The following ZC2HC1C variants were observed in gnomAD, a reference collection of about 807,000 sequenced individuals.
ZC2HC1C encodes zinc finger C2HC-type containing 1C.
In ZC2HC1C, 25 loss-of-function variants were observed where a neutral mutation model predicts 39.2. That is an observed-to-expected ratio of 0.64 (90% CI 0.47 to 0.89). ZC2HC1C has a LOEUF of 0.89. Ranked by LOEUF, ZC2HC1C falls within the 40% of genes least tolerant of loss-of-function variation. The pLI is 0.00. For missense variants in ZC2HC1C, 519 were observed against 548.6 expected, an observed-to-expected ratio of 0.95 and a Z score of 0.54; for synonymous variants, 209 against 214.4, an observed-to-expected ratio of 0.97 and a Z score of 0.22.
Position 75,069,643 on chromosome 14 carries a change from A to C in ZC2HC1C, c.-126A>C. 4.0e-5 allele frequency: 8 copies of C among 200,648 alleles called. No homozygotes were observed. Among genetic ancestry groups the C allele is most frequent in the East Asian group, 1.2e-4 (1 of 8,288 alleles). 12.4% of individuals were successfully genotyped at this position (200,648 alleles called of 1,614,324 possible). Reference sequence around the variant, plus strand: ...GGTTTCCAGGCACCGGGAATAACAGAAGCCAGCTGAGAGCGCCTGCGCGGC... The same window carrying C: ...GGTTTCCAGGCACCGGGAATAACAGCAGCCAGCTGAGAGCGCCTGCGCGGC... On this transcript the variant is annotated 5_prime_UTR_variant, in exon 1 of 3. Transcript: ENST00000524913.
At chr14:75,076,111 C>T (rs559599889) in intron 2 of ZC2HC1C, among the ~76,000 whole-genome samples, 6 of 152,162 alleles carry the variant, frequency 3.9e-5, no homozygotes, top group African/African-American at 7.2e-5. Context: ...ATTTTCTCCT[C>T]GTGCTTTCTC....
chr14:75,078,405 A>C lies in ZC2HC1C; in HGVS notation c.*841A>C, dbSNP rs1200640598. On this transcript the variant is annotated 3_prime_UTR_variant, in exon 3 of 3. Transcript: ENST00000524913. Reference sequence around the variant, plus strand: ...CTTCCCTATGGTGTACTGTGTAATAAAGGAAAGATCTTTATGTACTTTACA... The same window carrying C: ...CTTCCCTATGGTGTACTGTGTAATACAGGAAAGATCTTTATGTACTTTACA... 6.6e-6 allele frequency: 1 copy of C among 152,172 alleles called. No individual in the cohort carries two copies. 9.4% of individuals were successfully genotyped at this position (152,172 alleles called of 1,614,324 possible).
rs1481408351 is a variant in ZC2HC1C, at chr14:75,079,276, G to A, written c.*1712G>A. Reference sequence around the variant, plus strand: ...CTAACAGATCAGACCAATTTGAAATGTGAGTTAAGGCTTTAGCGGTGAAGC... The same window carrying A: ...CTAACAGATCAGACCAATTTGAAATATGAGTTAAGGCTTTAGCGGTGAAGC... On this transcript the variant is annotated 3_prime_UTR_variant, in exon 3 of 3. Transcript: ENST00000524913. The A allele has an allele frequency of 6.7e-6, 1 of 150,018 alleles. No homozygotes were observed. Among genetic ancestry groups the A allele is most frequent in the African/African-American group, 2.5e-5 (1 of 40,798 alleles). 9.3% of individuals were successfully genotyped at this position (150,018 alleles called of 1,614,324 possible). A position where few individuals can be genotyped will look rare whatever the true frequency, so the allele number is the denominator to read the frequency against.
rs768456192 is a variant in ZC2HC1C, at chr14:75,071,772, C to T, written c.1199C>T (p.Ser400Leu). 1.9e-6 allele frequency: 3 copies of T among 1,614,136 alleles called. No individual in the cohort carries two copies. The South Asian group carries it at 3.3e-5, about 18-fold the overall frequency. ...ECSHCGRKFL[S>L]FRLERHSNIC... is the part of the protein sequence containing the mutation. ...AGCCACTGTGGGCGCAAATTCCTCT[C>T]GTTCAGGCTGGAGAGACACTCCAAC... Residue 400 changes from serine (S) to leucine (L), a missense_variant, in exon 2 of 3, where the codon TCG becomes TTG. Physicochemically the swap from Ser to Leu is moderately radical, Grantham distance 145. Coordinates refer to ENST00000524913, the MANE Select transcript of ZC2HC1C (RefSeq NM_024643.4).
intron 2 of ZC2HC1C, among the ~76,000 whole-genome samples, chr14:75,074,796 T>G (rs921793596): frequency 6.6e-6 from 1 of 152,178 alleles, no homozygotes; most frequent in African/African-American, 2.4e-5. Flanking sequence ...GGTCCTGAAC[T>G]CCTAACCTCA....
At chr14:75,074,106 C>T (rs1315563450) in intron 2 of ZC2HC1C, among the ~76,000 whole-genome samples, 5 of 152,150 alleles carry the variant, frequency 3.3e-5, no homozygotes, top group African/African-American at 1.2e-4. Flanking sequence ...GACGGGGTTT[C>T]ACCATCTTGC....
At position 75,075,992 on chromosome 14, in the gene ZC2HC1C, C is replaced by T. The variant is rs139170037; in HGVS notation, c.1339-1540C>T. ...GAATCGCTTGAATCTAGGAGGCTGACGTTGCAGTCAACCAAGATTGCGCCA... is the reference window on the plus strand; with the variant it reads ...GAATCGCTTGAATCTAGGAGGCTGATGTTGCAGTCAACCAAGATTGCGCCA... On this transcript the variant is annotated intron_variant, in intron 2 of 2. Coordinates refer to ENST00000524913, the MANE Select transcript of ZC2HC1C (RefSeq NM_024643.4). 1.7e-3 allele frequency among the ~76,000 whole-genome samples: 263 copies of T among 152,158 alleles called. 1 individual carries two copies. The highest frequency in any genetic ancestry group is 0.014 in the South Asian group (66 of 4,820).
In ZC2HC1C at chr14:75,078,853, T is replaced by G. The variant is rs1893786221; in HGVS notation, c.*1289T>G. The stretch of plus-strand genomic sequence containing the variant: ...GGGATCAAATCTTTTTAATTTTCTC[T>G]GTGTAGAATATTGCCTAGCACAAGT... On this transcript the variant is annotated 3_prime_UTR_variant, in exon 3 of 3. Transcript: ENST00000524913. 1 of 152,252 alleles carries G rather than the reference T, an allele frequency of 6.6e-6. No homozygotes were observed. The highest frequency in any genetic ancestry group is 1.5e-5 in the Non-Finnish European group (1 of 68,046). 9.4% of individuals were successfully genotyped at this position (152,252 alleles called of 1,614,324 possible). A position where few individuals can be genotyped will look rare whatever the true frequency, so the allele number is the denominator to read the frequency against.
intron 2 of ZC2HC1C, chr14:75,073,610 C>T (rs2139680378): frequency 7.8e-7 from 1 of 1,289,350 alleles, no homozygotes; most frequent in South Asian, 1.2e-5. Flanking sequence ...ACCTTCCTGT[C>T]ATTCCTCTAG....
Position 75,070,548 on chromosome 14 carries a change from C to G in ZC2HC1C, c.-19-7C>G. The G allele has an allele frequency of 6.4e-7, 1 of 1,574,084 alleles. No individual in the cohort carries two copies. Among genetic ancestry groups the G allele is most frequent in the East Asian group, 2.2e-5 (1 of 44,612 alleles). Reference sequence around the variant, plus strand: ...CTTCCCGTGTATCTGGTTTAAATCTCCCGTAGGCGTCAGTCCAGGCCCTGA... The same window carrying G: ...CTTCCCGTGTATCTGGTTTAAATCTGCCGTAGGCGTCAGTCCAGGCCCTGA... On this transcript the variant is annotated splice_polypyrimidine_tract_variant and splice_region_variant and intron_variant, in intron 1 of 2. Transcript: ENST00000524913.
In ZC2HC1C at chr14:75,070,753, C is replaced by G. The variant is rs1566625493; in HGVS notation, c.180C>G (p.Asn60Lys). The stretch of plus-strand genomic sequence containing the variant: ...ATTTCCAGAAGCAGCTTTTGAGCAA[C>G]AAAGAGTTGATTCTGGATAAAGTCT... The part of the protein sequence containing the change: ...RNNFQKQLLS[N>K]KELILDKVYT... The change falls in exon 2 of 3, where the codon AAC becomes AAG. Residue 60 changes from asparagine to lysine, a missense_variant. Coordinates refer to ENST00000524913, the MANE Select transcript of ZC2HC1C (RefSeq NM_024643.4). 6.2e-7 allele frequency: 1 copy of G among 1,614,214 alleles called. No homozygotes were observed. Among genetic ancestry groups the G allele is most frequent in the East Asian group, 2.2e-5 (1 of 44,890 alleles).
Position 75,077,827 on chromosome 14 carries a change from A to G in ZC2HC1C, c.*263A>G. 2.2e-6 allele frequency: 1 copy of G among 460,918 alleles called. No homozygotes were observed. The highest frequency in any genetic ancestry group is 3.0e-5 in the South Asian group (1 of 33,386). 28.6% of individuals were successfully genotyped at this position (460,918 alleles called of 1,614,324 possible). A position where few individuals can be genotyped will look rare whatever the true frequency, so the allele number is the denominator to read the frequency against. ...AACAATGGAAACTTTTGGATAGTTC[A>G]GAAAGCTCTGCTTCTCTTCAGCAGT... On this transcript the variant is annotated 3_prime_UTR_variant, in exon 3 of 3. Coordinates refer to ENST00000524913, the MANE Select transcript of ZC2HC1C (RefSeq NM_024643.4).
chr14:75,073,733 T>C (rs930099436), intron 2 of ZC2HC1C: 2 of 725,388 alleles, frequency 2.8e-6, no homozygotes, highest in Non-Finnish European at 4.1e-6. Context: ...ACAGGGAACA[T>C]ATTTTGTGCT....
rs746015227 is a variant in ZC2HC1C, at chr14:75,071,377, C to A, written c.804C>A (p.Leu268=). The A allele has an allele frequency of 2.0e-5, 32 of 1,614,090 alleles. No homozygotes were observed. The highest frequency in any genetic ancestry group is 5.3e-5 in the African/African-American group (4 of 74,994). Residue 268 remains leucine, a synonymous_variant, in exon 2 of 3, where the codon CTC becomes CTA. Transcript: ENST00000524913. Reference sequence around the variant, plus strand: ...ACGGAGAGCTACAGAAAATTATACTCCCCAGGAGCAGAGTTAAAGGTAATA... The same window carrying A: ...ACGGAGAGCTACAGAAAATTATACTACCCAGGAGCAGAGTTAAAGGTAATA... ...NENGELQKII[L]PRSRVKGNKS...
chr14:75,075,741 G>C (rs1893637459), intron 2 of ZC2HC1C, among the ~76,000 whole-genome samples: 1 of 152,168 alleles, frequency 6.6e-6, no homozygotes, highest in South Asian at 2.1e-4. Flanking sequence ...TTCTAGGAAT[G>C]TTAATTGTAT....
Position 75,079,578 on chromosome 14 carries a change from C to T in ZC2HC1C, c.*2014C>T, listed in dbSNP as rs943462935. ...TGTGGCCAAGGTCACAAAATGGCAACATGTGGATTGCTTTGCTCCACAGAT... is the reference window on the plus strand; with the variant it reads ...TGTGGCCAAGGTCACAAAATGGCAATATGTGGATTGCTTTGCTCCACAGAT... On this transcript the variant is annotated 3_prime_UTR_variant, in exon 3 of 3. Coordinates refer to ENST00000524913, the MANE Select transcript of ZC2HC1C (RefSeq NM_024643.4). 6.6e-6 allele frequency: 1 copy of T among 152,234 alleles called. No individual in the cohort carries two copies. Among genetic ancestry groups the T allele is most frequent in the African/African-American group, 2.4e-5 (1 of 41,464 alleles). The allele number at this position is 152,234 out of a possible 1,614,324, so 9.4% of individuals were successfully genotyped here.
intron 2 of ZC2HC1C, among the ~76,000 whole-genome samples, chr14:75,075,966 A>G (rs1332664358): frequency 6.6e-6 from 1 of 152,170 alleles, no homozygotes; most frequent in East Asian, 1.9e-4. Flanking sequence ...CTGAGATAGG[A>G]GAATCGCTTG....
At chr14:75,070,335 A>G (rs569449323) in intron 1 of ZC2HC1C, among the ~76,000 whole-genome samples, 1 of 152,294 alleles carries the variant, frequency 6.6e-6, no homozygotes, top group East Asian at 1.9e-4. Flanking sequence ...GAACACCTGT[A>G]GCACCTTCGT....
chr14:75,074,640 T>G (rs1893585092), intron 2 of ZC2HC1C, among the ~76,000 whole-genome samples: 1 of 152,178 alleles, frequency 6.6e-6, no homozygotes, highest in African/African-American at 2.4e-5. Flanking sequence ...GGCTTGATCT[T>G]GGCTTACTGC....
Sources: allele counts gnomAD v4.1 joint callset (sites outside exome capture counted in the v4.1 genomes callset), GRCh38; gene constraint gnomAD v4.1.1; transcripts MANE v1.5; gene names NCBI Gene and HGNC (gene_info 2026-07-23, HGNC 2026-07-21).